The following ZNF462 variants were observed in gnomAD, a reference collection of about 807,000 sequenced individuals.
ZNF462 encodes the protein zinc finger PBX1-interacting protein.
A neutral mutation model predicts 201.9 loss-of-function variants in ZNF462; 10 were observed. The ratio of observed to expected loss-of-function variants is 0.05; its 90% CI spans 0.03 to 0.08. ZNF462 has a LOEUF of 0.08. Among genes scored for constraint, ZNF462 ranks in the 10% least tolerant of loss-of-function variants. The pLI, the probability that ZNF462 is intolerant of heterozygous loss-of-function variation, is 1.00. For synonymous variants in ZNF462, 1,227 were observed against 1,193.3 expected (o/e 1.03, Z -0.58); for missense variants, 2,523 against 3,168.3 (o/e 0.80, Z 4.89).
intron 7 of ZNF462, among the ~76,000 whole-genome samples, chr9:106,971,341 C>T (rs1169753789): frequency 6.6e-6 from 1 of 150,922 alleles, no homozygotes; most frequent in African/African-American, 2.4e-5. Flanking sequence ...TCTGTGGCAA[C>T]CTGTTGCCAT....
At chr9:106,908,419 A>T (rs1829364110) in intron 1 of ZNF462, among the ~76,000 whole-genome samples, 1 of 152,102 alleles carries the variant, frequency 6.6e-6, no homozygotes, top group Non-Finnish European at 1.5e-5. Flanking sequence ...CATCTCTATC[A>T]TGTTAAAAGC....
At chr9:106,906,617 T>C (rs1412590953) in intron 1 of ZNF462, among the ~76,000 whole-genome samples, 1 of 152,172 alleles carries the variant, frequency 6.6e-6, no homozygotes, top group Non-Finnish European at 1.5e-5. Context: ...AAAAAAAGAA[T>C]GTCATTGTCA....
At chr9:106,989,168 G>C (rs1405946002) in intron 10 of ZNF462, among the ~76,000 whole-genome samples, 1 of 152,148 alleles carries the variant, frequency 6.6e-6, no homozygotes, top group Non-Finnish European at 1.5e-5. Context: ...TACGTTGGCT[G>C]TGGGTTTGTC....
At chr9:106,897,440 G>A (rs1828859552) in intron 1 of ZNF462, among the ~76,000 whole-genome samples, 1 of 152,046 alleles carries the variant, frequency 6.6e-6, no homozygotes, top group African/African-American at 2.4e-5. Context: ...TTTGCCATCA[G>A]TGACCTCATT....
chr9:106,949,409 A>G (rs1289753626), intron 7 of ZNF462, among the ~76,000 whole-genome samples: 2 of 152,208 alleles, frequency 1.3e-5, no homozygotes, highest in Non-Finnish European at 2.9e-5. Flanking sequence ...GGGAATCTGG[A>G]AAAAGCCAAT....
At chr9:106,862,872 CGTT>C (rs1827116392), upstream of ZNF462, among the ~76,000 whole-genome samples, 1 of 152,070 alleles carries the variant, frequency 6.6e-6, no homozygotes, top group Non-Finnish European at 1.5e-5. This position sits in a 1 kb window ranked among gnomAD's most constrained non-coding sequence, Gnocchi z 4.2. Flanking sequence ...CTCTGCTGCA[CGTT>C]GTTGTTGTTA....
rs779980063 is a variant in ZNF462, at chr9:106,927,024, G to T, written c.3112G>T (p.Ala1038Ser). Residue 1038 changes from alanine (A) to serine (S), a missense_variant, in exon 3 of 13, where the codon GCA becomes TCA. By Grantham distance (99) the Ala-to-Ser change is moderately conservative. This residue lies in a region of ZNF462 where 280 missense variants were observed against 321.3 expected (regional missense o/e 0.87). Coordinates refer to ENST00000277225, the MANE Select transcript of ZNF462 (RefSeq NM_021224.6). ...VVYDCDVCSF[A>S]SPNMHSVLVH... ...TTATGATTGTGATGTTTGTTCGTTT[G>T]CAAGCCCCAACATGCATTCTGTCTT... is the stretch of plus-strand genomic sequence containing the variant. The T allele has an allele frequency of 6.2e-7, 1 of 1,614,098 alleles. No individual in the cohort carries two copies. The highest frequency in any genetic ancestry group is 1.1e-5 in the South Asian group (1 of 91,050).
chr9:106,983,359 GC>G lies in ZNF462; in HGVS notation c.6833-826del, dbSNP rs575416532. On this transcript the variant is annotated intron_variant, in intron 9 of 12. Transcript: ENST00000277225. ...GACACAAATCCTCCCTGTCTCCTGC[GC>G]AACCCCACCTCCCCCGATTGTTGCC... Among the ~76,000 whole-genome samples, 53 of 152,136 alleles carry G rather than the reference GC, an allele frequency of 3.5e-4. 1 individual carries two copies. In the South Asian group the frequency reaches 0.011, roughly 31 times the overall value.
At position 107,009,374 on chromosome 9, in the gene ZNF462, C is replaced by A; in HGVS notation, c.7190-171C>A. The A allele has an allele frequency of 1.2e-6, 1 of 828,022 alleles. No homozygotes were observed. The highest frequency in any genetic ancestry group is 1.8e-6 in the Non-Finnish European group (1 of 554,396). The allele number at this position is 828,022 out of a possible 1,614,324, so 51.3% of individuals were successfully genotyped here. ...CCAGAAACAGTTCTCGAATGCTATT[C>A]AAGGAATGCCCTAAGGGGGAAACCT... On this transcript the variant is annotated intron_variant, in intron 11 of 12. Transcript: ENST00000277225. This position sits in a 1 kb window ranked among gnomAD's most constrained non-coding sequence, Gnocchi z 6.1.
At chr9:106,937,611 T>C (rs1830685991) in intron 6 of ZNF462, among the ~76,000 whole-genome samples, 1 of 152,224 alleles carries the variant, frequency 6.6e-6, no homozygotes, top group Non-Finnish European at 1.5e-5. Flanking sequence ...AATCTTGTTA[T>C]CTAAACGCCA....
rs1203832287 is a variant in ZNF462 at position 106,927,454 on chromosome 9, C to T, written c.3542C>T (p.Ser1181Phe). The T allele has an allele frequency of 6.2e-7, 1 of 1,613,938 alleles. No individual in the cohort carries two copies. The highest frequency in any genetic ancestry group is 1.1e-5 in the South Asian group (1 of 91,046). ...APIQQLNRSSSERDGPPVENE... is the reference protein window; with the variant it reads ...APIQQLNRSSFERDGPPVENE... ...ATACAACAGCTGAACCGAAGCAGCT[C>T]TGAGAGAGATGGCCCTCCTGTGGAG... is the stretch of plus-strand genomic sequence containing the variant. The change falls in exon 3 of 13, where the codon TCT becomes TTT. Residue 1181 changes from serine (S) to phenylalanine (F), a missense_variant. By Grantham distance (155) the Ser-to-Phe change is radical. Coordinates refer to ENST00000277225, the MANE Select transcript of ZNF462 (RefSeq NM_021224.6).
chr9:106,871,776 G>T (rs568189630), intron 1 of ZNF462, among the ~76,000 whole-genome samples: 1 of 152,312 alleles, frequency 6.6e-6, no homozygotes, highest in East Asian at 1.9e-4. Flanking sequence ...CCTGGAAAAC[G>T]AACGAAGTAG....
intron 7 of ZNF462, among the ~76,000 whole-genome samples, chr9:106,960,223 T>C (rs1378416960): frequency 6.6e-6 from 1 of 152,096 alleles, no homozygotes; most frequent in Non-Finnish European, 1.5e-5. Flanking sequence ...CCAGATGTGC[T>C]CTTTCCTCTT....
At position 106,877,878 on chromosome 9, in the gene ZNF462, G is replaced by A. The variant is rs1426538233; in HGVS notation, c.-31+14523G>A. Among the ~76,000 whole-genome samples the A allele has an allele frequency of 3.3e-5, 5 of 152,152 alleles. No homozygotes were observed. The East Asian group carries it at 9.6e-4, about 29-fold the overall frequency. ...GGAGTAGAGATGTAGCTGTGGCTGTGGCAGTGGTTATTAGTACAGAATGCC... is the reference window on the plus strand; with the variant it reads ...GGAGTAGAGATGTAGCTGTGGCTGTAGCAGTGGTTATTAGTACAGAATGCC... On this transcript the variant is annotated intron_variant, in intron 1 of 12. Transcript: ENST00000277225.
Position 107,003,146 on chromosome 9 carries a change from G to T in ZNF462, c.7057-148G>T. ...CCATCTCCAAAAGAGTCAAAACGAA[G>T]AAAAAGACCTCTTAGGCCCCGGAGT... On this transcript the variant is annotated intron_variant, in intron 10 of 12. Transcript: ENST00000277225. This position sits in a 1 kb window ranked among gnomAD's most constrained non-coding sequence, Gnocchi z 4.4. 1 of 1,029,076 alleles carries T rather than the reference G, an allele frequency of 9.7e-7. No homozygotes were observed. The highest frequency in any genetic ancestry group is 1.4e-6 in the Non-Finnish European group (1 of 715,572). 63.7% of individuals were successfully genotyped at this position (1,029,076 alleles called of 1,614,324 possible).
At position 106,966,360 on chromosome 9, in the gene ZNF462, G is replaced by A. The variant is rs1214792204; in HGVS notation, c.6428-5645G>A. 6.6e-6 allele frequency among the ~76,000 whole-genome samples: 1 copy of A among 151,966 alleles called. No individual in the cohort carries two copies. The highest frequency in any genetic ancestry group is 2.4e-5 in the African/African-American group (1 of 41,384). ...AATTTCTGTTTAGTTTCTCCAAAAT[G>A]TACGACTTAAGGTGGAGGTGTAGTG... On this transcript the variant is annotated intron_variant, in intron 7 of 12. Transcript: ENST00000277225. This position sits in a 1 kb window ranked among gnomAD's most constrained non-coding sequence, Gnocchi z 4.4.
intron 10 of ZNF462, among the ~76,000 whole-genome samples, chr9:106,997,617 C>T (rs1828835834): frequency 6.6e-6 from 1 of 152,090 alleles, no homozygotes; most frequent in Non-Finnish European, 1.5e-5. Flanking sequence ...ATTTTTTTAC[C>T]TGCACTTTTG....
intron 1 of ZNF462, among the ~76,000 whole-genome samples, chr9:106,915,613 T>C (rs1406933102): frequency 6.6e-6 from 1 of 152,222 alleles, no homozygotes; most frequent in Non-Finnish European, 1.5e-5. Flanking sequence ...CTAATGTATC[T>C]GAATGGGCCA....
In ZNF462 at chr9:106,872,832, T is replaced by C. The variant is rs990583484; in HGVS notation, c.-31+9477T>C. 2.0e-5 allele frequency among the ~76,000 whole-genome samples: 3 copies of C among 152,166 alleles called. No homozygotes were observed. The highest frequency in any genetic ancestry group is 1.3e-4 in the Admixed American group (2 of 15,280). ...AACTCTATAGAGTGGGAATACCACA[T>C]AGGACCTTAAAAAATGCTGTCTTCC... On this transcript the variant is annotated intron_variant, in intron 1 of 12. Coordinates refer to ENST00000277225, the MANE Select transcript of ZNF462 (RefSeq NM_021224.6). This position sits in a 1 kb window ranked among gnomAD's most constrained non-coding sequence, Gnocchi z 4.5.
Sources: allele counts gnomAD v4.1 joint callset (sites outside exome capture counted in the v4.1 genomes callset), GRCh38; gene constraint gnomAD v4.1.1; regional missense constraint gnomAD v4.1.1; non-coding constraint Gnocchi (gnomAD v3.1); transcripts MANE v1.5; gene names NCBI Gene and HGNC (gene_info 2026-07-23, HGNC 2026-07-21).